CLUH: variants seen among roughly 807,000 people sequenced by gnomAD.
CLUH encodes the protein CLUH binding protein of NUMT mRNA.
In CLUH, 77 loss-of-function variants were observed where a neutral mutation model predicts 139.3. That is an observed-to-expected ratio of 0.55 (90% CI 0.46 to 0.67). CLUH has a LOEUF of 0.67. Ranked by LOEUF, CLUH falls within the 30% of genes least tolerant of loss-of-function variation. CLUH has a pLI of 0.00. For synonymous variants in CLUH, 999 were observed against 801.6 expected (o/e 1.25, Z -4.16); for missense variants, 1,876 against 1,875.8 (o/e 1.00, Z 0.00).
In CLUH at chr17:2,701,624, G is replaced by A. The variant is rs751445378; in HGVS notation, c.733C>T (p.Arg245Cys). The A allele has an allele frequency of 1.5e-5, 24 of 1,608,766 alleles. No homozygotes were observed. The Middle Eastern group carries it at 5.0e-4, about 33-fold the overall frequency. The change falls in exon 5 of 26, where the codon CGT (arginine) becomes TGT (cysteine). Residue 245 changes from arginine (R) to cysteine (C), a missense_variant. Physicochemically the swap from Arg to Cys is radical, Grantham distance 180 (BLOSUM62 -3). This residue lies in a region of CLUH where 270 missense variants were observed against 354.7 expected (regional missense o/e 0.76). Coordinates refer to ENST00000651024, the MANE Select transcript of CLUH (RefSeq NM_001366661.1). ...RPLCPLQPQN[R>C]DWKPLQCLKV... ...CCCCAGGATCCTACCTTCCAGTCAC[G>A]GTTTTGGGGCTGCAGGGGACACAGT...
Position 2,704,503 on chromosome 17 carries a change from C to T in CLUH, c.162G>A (p.Ala54=), listed in dbSNP as rs368394086. ...CATTTTCCCTGGGTGGCTCGGCCGC[C>T]GCCGCCTCCTTCTTCAGGCTCTCTG... ...DCPESLKKEA[A]AAEPPRENGL... Residue 54 remains alanine, a synonymous_variant, in exon 2 of 26, where the codon GCG becomes GCA. Coordinates refer to ENST00000651024, the MANE Select transcript of CLUH (RefSeq NM_001366661.1). This position sits in a 1 kb window ranked among gnomAD's most constrained non-coding sequence, Gnocchi z 5.7. 34 of 1,586,018 alleles carry T rather than the reference C, an allele frequency of 2.1e-5. No individual in the cohort carries two copies. The highest frequency in any genetic ancestry group is 7.2e-5 in the Admixed American group (4 of 55,796).
At chr17:2,696,340 A>G (rs1018621585) in intron 12 of CLUH, 81 bp from the exon 13 acceptor site, 14 of 1,501,276 alleles carry the variant, frequency 9.3e-6, no homozygotes, top group South Asian at 7.2e-5. Context: ...AAGCGCTCAG[A>G]TGGGGGACAA....
chr17:2,690,873 G>A lies in CLUH; in HGVS notation c.3864-96C>T, dbSNP rs565996299. The A allele has an allele frequency of 8.6e-4, 854 of 987,468 alleles. 3 individuals carry two copies. The African/African-American group carries it at 0.011, about 13-fold the overall frequency. The allele number at this position is 987,468 out of a possible 1,614,324, so 61.2% of individuals were successfully genotyped here. On this transcript the variant is annotated intron_variant, in intron 25 of 25. Coordinates refer to ENST00000651024, the MANE Select transcript of CLUH (RefSeq NM_001366661.1). ...CCTGTGGGATAAGCTCAGGCTCTGC[G>A]CTCTATTCAGTGGGGAATGTGTGTG... is the stretch of plus-strand genomic sequence containing the variant.
chr17:2,699,794 G>A (rs1479975063), intron 9 of CLUH, among the ~76,000 whole-genome samples: 5 of 152,148 alleles, frequency 3.3e-5, no homozygotes, highest in Non-Finnish European at 7.3e-5. Context: ...ACCACACCCA[G>A]CTAATTTTTG....
In CLUH at chr17:2,701,134, C is replaced by T; in HGVS notation, c.1025+6G>A. ...GAGACAAGGCGGGAGGGGACAAAGGCACTACCTTTTCTTCTGCAGCACAGC... is the reference window on the plus strand; with the variant it reads ...GAGACAAGGCGGGAGGGGACAAAGGTACTACCTTTTCTTCTGCAGCACAGC... On this transcript the variant is annotated splice_donor_region_variant and intron_variant, in intron 7 of 25. Transcript: ENST00000651024. The T allele has an allele frequency of 6.2e-7, 1 of 1,613,860 alleles. No individual in the cohort carries two copies.
intron 19 of CLUH, among the ~76,000 whole-genome samples, chr17:2,693,660 C>T (rs1007087643): frequency 5.3e-5 from 8 of 152,160 alleles, no homozygotes; most frequent in Admixed American, 1.3e-4. Flanking sequence ...TCCTTGCTGA[C>T]GCCCTGTGGG....
rs1402160118 is a variant in CLUH at position 2,700,365 on chromosome 17, G to A, written c.1266+17C>T. Reference sequence around the variant, plus strand: ...ACAGCGGGCCTCAGACTGCCGGTCAGCAGAGGCTGCAGGCACCTTGAATAT... The same window carrying A: ...ACAGCGGGCCTCAGACTGCCGGTCAACAGAGGCTGCAGGCACCTTGAATAT... On this transcript the variant is annotated intron_variant, in intron 9 of 25. Transcript: ENST00000651024. The A allele has an allele frequency of 6.2e-7, 1 of 1,606,276 alleles. No individual in the cohort carries two copies. Among genetic ancestry groups the A allele is most frequent in the Non-Finnish European group, 8.5e-7 (1 of 1,175,970 alleles).
intron 25 of CLUH, 100 bp downstream of exon 25, chr17:2,691,509 C>A: frequency 8.2e-7 from 1 of 1,225,302 alleles, no homozygotes; most frequent in Non-Finnish European, 1.2e-6. Context: ...TGCAGTGAGC[C>A]GGGATGGCGC....
intron 1 of CLUH, chr17:2,711,271 C>A (rs1011563104): frequency 6.6e-6 from 1 of 152,164 alleles, no homozygotes; most frequent in African/African-American, 2.4e-5. Context: ...GGCGGCGGCG[C>A]ACCCCGAAAC....
At chr17:2,690,841 C>T in intron 25 of CLUH, 64 bp from the exon 26 acceptor site, 6 of 1,310,816 alleles carry the variant, frequency 4.6e-6, no homozygotes, top group Non-Finnish European at 6.0e-6. Context: ...ACCCGCCTCC[C>T]GGCTTTCCTG....
At chr17:2,693,787 C>G in intron 19 of CLUH, 113 bp downstream of exon 19, 23 of 1,377,208 alleles carry the variant, frequency 1.7e-5, no homozygotes, top group Non-Finnish European at 2.2e-5. Flanking sequence ...CTGGGCAGAA[C>G]CAGCGACTTC....
intron 1 of CLUH, among the ~76,000 whole-genome samples, chr17:2,709,831 C>G (rs756224841): frequency 6.6e-6 from 1 of 152,116 alleles, no homozygotes; most frequent in African/African-American, 2.4e-5. Context: ...CTGGCTGTAA[C>G]GTAAGTCCTA....
chr17:2,708,010 A>G (rs1404001519), intron 1 of CLUH: 1 of 985,156 alleles, frequency 1.0e-6, no homozygotes, highest in African/African-American at 1.7e-5. Flanking sequence ...CTCTGCCAGG[A>G]GGGAACCAAG....
chr17:2,706,265 G>T lies in CLUH; in HGVS notation c.101-1701C>A, dbSNP rs188855185. ...GAGACCGGGGGGCCTGGAGAGAGTC[G>T]CTCCCTTTCCCTGGATCCCCACGAG... On this transcript the variant is annotated intron_variant, in intron 1 of 25. Transcript: ENST00000651024. The surrounding 1 kb of genome is among the most constrained non-coding windows in gnomAD (Gnocchi z 4.6). Among the ~76,000 whole-genome samples the T allele has an allele frequency of 3.7e-4, 56 of 152,142 alleles. 1 individual carries two copies. In the East Asian group the frequency reaches 0.01, roughly 27 times the overall value.
Position 2,692,413 on chromosome 17 carries a change from G to C in CLUH, c.3508C>G (p.Leu1170Val), listed in dbSNP as rs961961374. Reference protein sequence around the residue: ...DLSLRFLENALAVSTKYHGPK... With the variant: ...DLSLRFLENAVAVSTKYHGPK... ...CCGTGGTACTTGGTGCTGACGGCCA[G>C]CGCGTTCTCCAGGAAGCGCAGCGAC... Residue 1170 changes from leucine (L) to valine (V), a missense_variant, in exon 22 of 26, where the codon CTG becomes GTG. Physicochemically the swap from Leu to Val is conservative, Grantham distance 32. Around this residue, in one of 3 missense-constraint regions of CLUH, gnomAD observed 1,454 missense variants for 1,384.4 expected, o/e 1.05. Coordinates refer to ENST00000651024, the MANE Select transcript of CLUH (RefSeq NM_001366661.1). The C allele has an allele frequency of 1.9e-6, 3 of 1,599,046 alleles. No individual in the cohort carries two copies. The highest frequency in any genetic ancestry group is 2.5e-6 in the Non-Finnish European group (3 of 1,179,218).
At chr17:2,698,940 G>A (rs532791454) in intron 9 of CLUH, among the ~76,000 whole-genome samples, 6 of 152,238 alleles carry the variant, frequency 3.9e-5, no homozygotes, top group Admixed American at 2.6e-4. Flanking sequence ...CCAGCCACCC[G>A]ACAGGCTGAG....
At chr17:2,694,835 A>T in intron 16 of CLUH, 22 bp downstream of exon 16, 2 of 665,970 alleles carry the variant, frequency 3.0e-6, no homozygotes, top group Non-Finnish European at 4.5e-6. Flanking sequence ...CACCCACCCC[A>T]CCGCCCCTGC....
intron 1 of CLUH, among the ~76,000 whole-genome samples, chr17:2,709,074 A>G (rs1234622947): frequency 6.6e-6 from 1 of 152,154 alleles, no homozygotes; most frequent in Non-Finnish European, 1.5e-5. Context: ...GACAAAGCAC[A>G]CCCTTGCCCC....
intron 9 of CLUH, 66 bp downstream of exon 9, chr17:2,700,316 A>T: frequency 6.8e-7 from 1 of 1,473,926 alleles, no homozygotes; most frequent in Non-Finnish European, 9.3e-7. Flanking sequence ...CCTCCTCTCC[A>T]TGAGAAAACC....
Sources: allele counts gnomAD v4.1 joint callset (sites outside exome capture counted in the v4.1 genomes callset), GRCh38; gene constraint gnomAD v4.1.1; regional missense constraint gnomAD v4.1.1; non-coding constraint Gnocchi (gnomAD v3.1); transcripts MANE v1.5; gene names NCBI Gene and HGNC (gene_info 2026-07-23, HGNC 2026-07-21).